ANGPT1: variants seen among roughly 807,000 people sequenced by gnomAD.
ANGPT1 encodes angiopoietin-1.
In ANGPT1, 17 loss-of-function variants were observed where a neutral mutation model predicts 62.2. The ratio of observed to expected loss-of-function variants is 0.27; its 90% CI spans 0.19 to 0.41. ANGPT1 has a LOEUF of 0.41. Among genes scored for constraint, ANGPT1 ranks in the 10% least tolerant of loss-of-function variants. The pLI, the probability that ANGPT1 is intolerant of heterozygous loss-of-function variation, is 1.00. For missense variants in ANGPT1, 478 were observed against 594.9 expected (o/e 0.80, Z 2.04); for synonymous variants, 199 against 198.9 (o/e 1.00, Z 0.00).
At chr8:107,394,703 CT>C (rs565152613) in intron 1 of ANGPT1, among the ~76,000 whole-genome samples, 108 of 152,242 alleles carry the variant, frequency 7.1e-4, no homozygotes, top group African/African-American at 2.4e-3. Flanking sequence ...CAGAATAAAT[CT>C]ATGTGATTTT....
At chr8:107,258,503 T>C (rs1186237216) in intron 8 of ANGPT1, among the ~76,000 whole-genome samples, 1 of 152,214 alleles carries the variant, frequency 6.6e-6, no homozygotes, top group Non-Finnish European at 1.5e-5. Context: ...TCTCATCCAC[T>C]GTCAATTATT....
intron 1 of ANGPT1, among the ~76,000 whole-genome samples, chr8:107,474,538 C>T (rs1460812645): frequency 6.6e-6 from 1 of 152,124 alleles, no homozygotes; most frequent in African/African-American, 2.4e-5. Flanking sequence ...ACAGGGATGA[C>T]CTCTCTCACC....
chr8:107,407,093 G>A (rs1032785835), intron 1 of ANGPT1, among the ~76,000 whole-genome samples: 2 of 152,052 alleles, frequency 1.3e-5, no homozygotes, highest in African/African-American at 4.8e-5. Context: ...ATGGCCAGAG[G>A]GCATTCTTCT....
intron 1 of ANGPT1, among the ~76,000 whole-genome samples, chr8:107,368,037 C>T (rs1320280271): frequency 6.6e-6 from 1 of 152,128 alleles, no homozygotes; most frequent in Non-Finnish European, 1.5e-5. Context: ...TGAATCCTTT[C>T]CAGAAGGTTT....
chr8:107,285,710 AG>A (rs1300372967), intron 6 of ANGPT1, among the ~76,000 whole-genome samples: 2 of 152,106 alleles, frequency 1.3e-5, no homozygotes, highest in African/African-American at 2.4e-5. Flanking sequence ...TGTTAGTGAT[AG>A]GAAAAGAAAG....
chr8:107,347,998 C>G (rs2130163119), intron 1 of ANGPT1, among the ~76,000 whole-genome samples: 1 of 152,288 alleles, frequency 6.6e-6, no homozygotes, highest in Non-Finnish European at 1.5e-5. Flanking sequence ...ACAAGGAAAC[C>G]TGCACCTCCC....
intron 4 of ANGPT1, among the ~76,000 whole-genome samples, chr8:107,311,554 C>T (rs149915807): frequency 1.3e-5 from 2 of 152,294 alleles, no homozygotes; most frequent in East Asian, 1.9e-4. Flanking sequence ...CAAACTCTTA[C>T]ATTTATGTAG....
chr8:107,492,543 G>A (rs2130544157), intron 1 of ANGPT1, among the ~76,000 whole-genome samples: 1 of 152,268 alleles, frequency 6.6e-6, no homozygotes, highest in Admixed American at 6.5e-5. Context: ...CGCCATGTTG[G>A]CCAGGCTGGT....
At chr8:107,449,466 G>A (rs908132355) in intron 1 of ANGPT1, among the ~76,000 whole-genome samples, 3 of 151,536 alleles carry the variant, frequency 2.0e-5, no homozygotes, top group Non-Finnish European at 4.4e-5. Flanking sequence ...TTTACTGGGA[G>A]AGCAGGTCCT....
At chr8:107,268,001 CA>C (rs1233267094) in intron 7 of ANGPT1, among the ~76,000 whole-genome samples, 1 of 152,090 alleles carries the variant, frequency 6.6e-6, no homozygotes, top group Non-Finnish European at 1.5e-5. Flanking sequence ...CAAAGAGCAT[CA>C]AATCAGCATC....
At chr8:107,467,957 A>T (rs911426178) in intron 1 of ANGPT1, among the ~76,000 whole-genome samples, 1 of 152,122 alleles carries the variant, frequency 6.6e-6, no homozygotes, top group African/African-American at 2.4e-5. Flanking sequence ...GAGAAATCTG[A>T]TGCTCGGAAA....
chr8:107,395,110 G>C (rs936504134), intron 1 of ANGPT1, among the ~76,000 whole-genome samples: 1 of 152,100 alleles, frequency 6.6e-6, no homozygotes, highest in African/African-American at 2.4e-5. Flanking sequence ...AGGATTCCTA[G>C]AAATGTCCAA....
In ANGPT1 at chr8:107,483,056, G is replaced by A. The variant is rs561602668; in HGVS notation, c.297+14206C>T. ...AAAAACTTTAAAATAGGCTTATAGA[G>A]TTTATTTGAATTCTTTAGTTGTTTA... On this transcript the variant is annotated intron_variant, in intron 1 of 8. Transcript: ENST00000517746. Among the ~76,000 whole-genome samples the A allele has an allele frequency of 6.6e-5, 10 of 152,164 alleles. No individual in the cohort carries two copies. In the South Asian group the frequency reaches 1.0e-3, roughly 16 times the overall value.
At chr8:107,358,490 A>G (rs547494867) in intron 1 of ANGPT1, among the ~76,000 whole-genome samples, 11 of 152,198 alleles carry the variant, frequency 7.2e-5, no homozygotes, top group South Asian at 2.1e-4. Context: ...GTGCTATTGG[A>G]TGAGAGACCA....
intron 1 of ANGPT1, among the ~76,000 whole-genome samples, chr8:107,475,567 A>C (rs1017319370): frequency 1.2e-4 from 18 of 152,342 alleles, no homozygotes; most frequent in African/African-American, 4.3e-4. Flanking sequence ...AATGGCAACA[A>C]AAGCCAAAAT....
At chr8:107,378,166 C>T (rs971203348) in intron 1 of ANGPT1, among the ~76,000 whole-genome samples, 1 of 152,186 alleles carries the variant, frequency 6.6e-6, no homozygotes, top group Non-Finnish European at 1.5e-5. Flanking sequence ...AGGGTTTAGA[C>T]ACACTTGAAT....
At chr8:107,464,897 C>G (rs906041058) in intron 1 of ANGPT1, among the ~76,000 whole-genome samples, 1 of 152,036 alleles carries the variant, frequency 6.6e-6, no homozygotes, top group East Asian at 1.9e-4. Flanking sequence ...GCACAGGGAA[C>G]TAGAGCAGGA....
In ANGPT1 at chr8:107,363,614, T is replaced by C. The variant is rs114234547; in HGVS notation, c.298-16517A>G. On this transcript the variant is annotated intron_variant, in intron 1 of 8. Transcript: ENST00000517746. ...TCTAGAAAAAGCGAAGAATAATGCA[T>C]CTGTATCATAGTATTGTTTGAGGAT... 3.8e-3 allele frequency among the ~76,000 whole-genome samples: 586 copies of C among 152,276 alleles called. 6 individuals carry two copies. Among genetic ancestry groups the C allele is most frequent in the African/African-American group, 0.014 (564 of 41,554 alleles).
At position 107,488,660 on chromosome 8, in the gene ANGPT1, C is replaced by T. The variant is rs1308179172; in HGVS notation, c.297+8602G>A. The stretch of plus-strand genomic sequence containing the variant: ...GCATTAGAACAACTATAACCTTATA[C>T]CTTTGTTCTTATTATTTAAAAACTG... On this transcript the variant is annotated intron_variant, in intron 1 of 8. Coordinates refer to ENST00000517746, the MANE Select transcript of ANGPT1 (RefSeq NM_001146.5). Among the ~76,000 whole-genome samples, 3 of 152,060 alleles carry T rather than the reference C, an allele frequency of 2.0e-5. No individual in the cohort carries two copies. In the East Asian group the frequency reaches 5.8e-4, roughly 29 times the overall value.
Sources: allele counts gnomAD v4.1 joint callset (sites outside exome capture counted in the v4.1 genomes callset), GRCh38; gene constraint gnomAD v4.1.1; transcripts MANE v1.5; gene names NCBI Gene and HGNC (gene_info 2026-07-23, HGNC 2026-07-21).